The following FAAH2 variants were observed in gnomAD, a reference collection of about 807,000 sequenced individuals.
FAAH2 encodes the protein fatty-acid amide hydrolase 2.
FAAH2 carries 60 observed loss-of-function variants against 36.9 expected under a neutral mutation model. The ratio of observed to expected loss-of-function variants is 1.63; its 90% CI spans 1.32 to 2.02. The LOEUF (loss-of-function observed/expected upper bound fraction) is 2.02, where lower values mean the gene tolerates loss of function less well. Among genes scored for constraint, FAAH2 ranks in the 30% most tolerant of loss-of-function variants. The probability of loss-of-function intolerance (pLI) is 0.00; values close to 1 mark genes in which losing one functional copy is unlikely to be tolerated. For synonymous variants in FAAH2, 214 were observed against 143.8 expected (o/e 1.49, Z -3.49); for missense variants, 689 against 397.5 (o/e 1.73, Z -6.23).
chrX:57,305,270 A>C (rs1241448766), intron 2 of FAAH2, among the ~76,000 whole-genome samples: 1 of 111,293 alleles, frequency 9.0e-6, no homozygotes, highest in Non-Finnish European at 1.9e-5. Flanking sequence ...TGGGCACCAA[A>C]AGTCAAAATA....
the FAAH2 span, among the ~76,000 whole-genome samples, chrX:57,231,416 T>C: frequency 1.8e-5 from 2 of 111,536 alleles, no homozygotes; most frequent in Admixed American, 9.5e-5. Flanking sequence ...CAACACTAGA[T>C]TCCTTTTCTG....
At chrX:57,488,508 G>A (rs757808616) in intron 10 of FAAH2, among the ~76,000 whole-genome samples, 7 of 111,430 alleles carry the variant, frequency 6.3e-5, no homozygotes, top group Non-Finnish European at 1.3e-4. Context: ...TCTTGGATAT[G>A]TTATCTAACT....
chrX:57,374,322 A>G (rs2054618846), intron 5 of FAAH2, among the ~76,000 whole-genome samples: 1 of 111,746 alleles, frequency 8.9e-6, no homozygotes, highest in Admixed American at 9.5e-5. Context: ...TTTTCACAAT[A>G]TTGATTCTAT....
At chrX:57,168,536 G>T in the FAAH2 span, among the ~76,000 whole-genome samples, 1 of 111,842 alleles carries the variant, frequency 8.9e-6, no homozygotes, top group Non-Finnish European at 1.9e-5. Context: ...TAAAAGAGAA[G>T]GCTAGAATAA....
chrX:57,347,755 G>A (rs2053867500), intron 5 of FAAH2, among the ~76,000 whole-genome samples: 1 of 108,348 alleles, frequency 9.2e-6, no homozygotes, highest in Non-Finnish European at 1.9e-5. Context: ...TTAATTCTGT[G>A]TGCTTTCAGG....
intron 8 of FAAH2, among the ~76,000 whole-genome samples, chrX:57,442,361 G>C (rs1427769910): frequency 9.0e-6 from 1 of 111,454 alleles, no homozygotes; most frequent in East Asian, 2.8e-4. Flanking sequence ...TACCATTATG[G>C]AGTGGCCTTC....
At chrX:57,367,991 C>T (rs2054459582) in intron 5 of FAAH2, among the ~76,000 whole-genome samples, 1 of 111,730 alleles carries the variant, frequency 9.0e-6, no homozygotes, top group Non-Finnish European at 1.9e-5. Flanking sequence ...AGGGCAATAA[C>T]CACTTCATGC....
intron 7 of FAAH2, among the ~76,000 whole-genome samples, chrX:57,401,136 T>A (rs1425360057): frequency 1.8e-5 from 2 of 110,350 alleles, no homozygotes; most frequent in African/African-American, 6.6e-5. Flanking sequence ...AATAAATAAA[T>A]AAAAAATTTA....
chrX:57,145,506 T>G, the FAAH2 span, among the ~76,000 whole-genome samples: 5 of 111,198 alleles, frequency 4.5e-5, no homozygotes, highest in African/African-American at 1.6e-4. Flanking sequence ...AATCTGTGCA[T>G]TGTCTGTTTA....
At chrX:57,207,287 C>A in the FAAH2 span, among the ~76,000 whole-genome samples, 1 of 111,082 alleles carries the variant, frequency 9.0e-6, no homozygotes, top group African/African-American at 3.3e-5. Context: ...CTCAGGTTGT[C>A]CATCAGGCCC....
At chrX:57,348,278 T>C (rs1352485343) in intron 5 of FAAH2, among the ~76,000 whole-genome samples, 1 of 110,720 alleles carries the variant, frequency 9.0e-6, no homozygotes, top group African/African-American at 3.3e-5. Context: ...AACTGGCTTC[T>C]ACTTGGAAGT....
At chrX:57,238,813 G>A in the FAAH2 span, among the ~76,000 whole-genome samples, 2 of 110,553 alleles carry the variant, frequency 1.8e-5, no homozygotes, top group Admixed American at 9.6e-5. Context: ...TCACCCTCAC[G>A]TAAACTATGG....
At chrX:57,253,142 G>A in the FAAH2 span, among the ~76,000 whole-genome samples, 1 of 110,504 alleles carries the variant, frequency 9.0e-6, no homozygotes, top group African/African-American at 3.3e-5. Flanking sequence ...TAGCCAATTC[G>A]ATAAAGCTTA....
the FAAH2 span, among the ~76,000 whole-genome samples, chrX:57,168,868 G>T: frequency 2.7e-5 from 3 of 111,748 alleles, no homozygotes; most frequent in Non-Finnish European, 1.9e-5. Flanking sequence ...AAACTCTATG[G>T]GTTTTGACAA....
At chrX:57,476,622 A>G (rs746218819) in intron 10 of FAAH2, among the ~76,000 whole-genome samples, 64 of 111,346 alleles carry the variant, frequency 5.7e-4, no homozygotes, top group African/African-American at 1.9e-3. Flanking sequence ...ATTGATGTAC[A>G]TCAGAGATGG....
At chrX:57,439,250 C>T (rs1280766795) in intron 8 of FAAH2, among the ~76,000 whole-genome samples, 2 of 109,587 alleles carry the variant, frequency 1.8e-5, no homozygotes, top group Non-Finnish European at 3.8e-5. Context: ...TCTCCACATC[C>T]TCTCCAGCAC....
chrX:57,162,406 C>T, the FAAH2 span, among the ~76,000 whole-genome samples: 8 of 111,655 alleles, frequency 7.2e-5, no homozygotes, highest in African/African-American at 2.0e-4. Flanking sequence ...GAATGTTGGC[C>T]TGTCTTGCTA....
At position 57,488,787 on chromosome X, in the gene FAAH2, C is replaced by A. The variant is rs1481461307; in HGVS notation, c.1454C>A (p.Thr485Asn). 3.3e-6 allele frequency: 4 copies of A among 1,210,592 alleles called. No individual in the cohort carries two copies. The highest frequency in any genetic ancestry group is 2.3e-4 in the Middle Eastern group (1 of 4,351). ...TTCAGTGCCCTGGGTTTGCCTGTGACCCAATGCCCACTGGGACTGAATGCC... is the reference window on the plus strand; with the variant it reads ...TTCAGTGCCCTGGGTTTGCCTGTGAACCAATGCCCACTGGGACTGAATGCC... ...GVFSALGLPV[T>N]QCPLGLNAKG... The change falls in exon 11 of 11, where the codon ACC becomes AAC. Residue 485 changes from threonine to asparagine, a missense_variant. Coordinates refer to ENST00000374900, the MANE Select transcript of FAAH2 (RefSeq NM_174912.4).
chrX:57,486,524 G>A (rs1160501628), intron 10 of FAAH2, among the ~76,000 whole-genome samples: 3 of 111,864 alleles, frequency 2.7e-5, no homozygotes, highest in Admixed American at 9.5e-5. Context: ...ATTGACAAAA[G>A]TGAAGAGCCA....
Sources: allele counts gnomAD v4.1 joint callset (sites outside exome capture counted in the v4.1 genomes callset), GRCh38; gene constraint gnomAD v4.1.1; transcripts MANE v1.5; gene names NCBI Gene and HGNC (gene_info 2026-07-23, HGNC 2026-07-21).